CPVL: variants seen among roughly 807,000 people sequenced by gnomAD.
CPVL encodes the protein probable serine carboxypeptidase CPVL.
CPVL carries 51 observed loss-of-function variants against 63.7 expected under a neutral mutation model. The observed-to-expected ratio is 0.80, with a 90% CI of 0.64 to 1.01. The LOEUF (loss-of-function observed/expected upper bound fraction) is 1.01, where lower values mean the gene tolerates loss of function less well. Ranked by LOEUF, CPVL falls within the 50% of genes least tolerant of loss-of-function variation. CPVL has a pLI of 0.00. For missense variants in CPVL, 530 were observed against 573.1 expected (o/e 0.92, Z 0.77); for synonymous variants, 195 against 206.0 (o/e 0.95, Z 0.46).
intron 3 of CPVL, among the ~76,000 whole-genome samples, chr7:29,105,666 T>G (rs574348604): frequency 1.6e-4 from 25 of 152,236 alleles, no homozygotes; most frequent in African/African-American, 5.5e-4. Flanking sequence ...TAATTTATTT[T>G]TTTACTTGGA....
At chr7:29,006,039 G>GC (rs1785159681) in intron 12 of CPVL, among the ~76,000 whole-genome samples, 1 of 152,220 alleles carries the variant, frequency 6.6e-6, no homozygotes. Flanking sequence ...GGAAACAAGA[G>GC]CCGGCTAACC....
At position 29,064,240 on chromosome 7, in the gene CPVL, A is replaced by G; in HGVS notation, c.964-6T>C. On this transcript the variant is annotated splice_polypyrimidine_tract_variant and splice_region_variant and intron_variant, in intron 10 of 12. Transcript: ENST00000265394. ...TAAAGCTGATCCTCAGGTTCCTGGC[A>G]GAAGGGGCATTGGAAAGACATAGGG... 6.2e-7 allele frequency: 1 copy of G among 1,603,568 alleles called. No individual in the cohort carries two copies. The highest frequency in any genetic ancestry group is 8.5e-7 in the Non-Finnish European group (1 of 1,171,330).
At chr7:29,104,413 A>G (rs1320275585) in intron 3 of CPVL, among the ~76,000 whole-genome samples, 3 of 152,146 alleles carry the variant, frequency 2.0e-5, no homozygotes, top group Non-Finnish European at 4.4e-5. Context: ...GGTACCTGCC[A>G]CAGCCCCTGG....
chr7:29,099,945 T>C (rs1786921215), intron 3 of CPVL, among the ~76,000 whole-genome samples: 1 of 152,152 alleles, frequency 6.6e-6, no homozygotes, highest in African/African-American at 2.4e-5. Flanking sequence ...GTACATGAAA[T>C]GATGCTGTAA....
chr7:29,061,400 GA>G (rs1468439830), intron 11 of CPVL, among the ~76,000 whole-genome samples: 1 of 152,082 alleles, frequency 6.6e-6, no homozygotes, highest in Admixed American at 6.5e-5. Context: ...GCAACAGAGT[GA>G]AACTCTGTCT....
intron 5 of CPVL, among the ~76,000 whole-genome samples, chr7:29,093,377 C>CAA (rs371165878): frequency 0.1 from 6,964 of 69,738 alleles, 279 homozygotes; most frequent in Middle Eastern, 0.15. Context: ...ACTCCGTCTC[C>CAA]AAAAAAAAAA....
intron 5 of CPVL, among the ~76,000 whole-genome samples, chr7:29,164,221 A>T (rs1446265916): frequency 6.6e-6 from 1 of 152,126 alleles, no homozygotes; most frequent in African/African-American, 2.4e-5. Context: ...CGTGATTTAA[A>T]CTTGAATTTT....
intron 2 of CPVL, among the ~76,000 whole-genome samples, chr7:29,114,026 T>A (rs1788522873): frequency 6.6e-6 from 1 of 152,208 alleles, no homozygotes; most frequent in Non-Finnish European, 1.5e-5. Flanking sequence ...CGACTAAAGA[T>A]GCCTTTGACG....
At chr7:29,124,589 T>C (rs1789786288) in intron 1 of CPVL, among the ~76,000 whole-genome samples, 2 of 152,072 alleles carry the variant, frequency 1.3e-5, no homozygotes, top group African/African-American at 2.4e-5. Context: ...TTTAGAATAA[T>C]AAAAATTGTC....
intron 2 of CPVL, among the ~76,000 whole-genome samples, chr7:29,117,892 T>C (rs952246248): frequency 6.6e-6 from 1 of 152,214 alleles, no homozygotes; most frequent in African/African-American, 2.4e-5. Flanking sequence ...AATGACTAAA[T>C]GTTAGCTACT....
intron 11 of CPVL, among the ~76,000 whole-genome samples, chr7:29,032,090 T>C (rs985022457): frequency 1.3e-5 from 2 of 152,130 alleles, no homozygotes; most frequent in Non-Finnish European, 2.9e-5. Context: ...CTCAACTCCA[T>C]GCTACTTTTG....
chr7:29,186,022 G>C (rs1449633424), intron 2 of CPVL, among the ~76,000 whole-genome samples: 1 of 152,196 alleles, frequency 6.6e-6, no homozygotes, highest in Admixed American at 6.5e-5. Context: ...TATTGTTTGA[G>C]TAAGTTTAAG....
chr7:29,120,703 C>G (rs570646749), intron 2 of CPVL, among the ~76,000 whole-genome samples, 190 bp downstream of exon 2: 5 of 151,736 alleles, frequency 3.3e-5, no homozygotes, highest in African/African-American at 1.2e-4. Flanking sequence ...TGCCTATAAT[C>G]CCAGCTACTT....
At chr7:28,998,481 C>A (rs1441014772) in intron 12 of CPVL, among the ~76,000 whole-genome samples, 1 of 152,198 alleles carries the variant, frequency 6.6e-6, no homozygotes, top group African/African-American at 2.4e-5. Flanking sequence ...CTTAACCTCA[C>A]TGAGCCTCAG....
At chr7:29,127,764 T>C (rs1198998484) in intron 1 of CPVL, among the ~76,000 whole-genome samples, 1 of 152,182 alleles carries the variant, frequency 6.6e-6, no homozygotes, top group Non-Finnish European at 1.5e-5. Context: ...AGGGAAGGAA[T>C]GTCACACCGA....
intron 11 of CPVL, among the ~76,000 whole-genome samples, chr7:29,045,693 C>G (rs1374260368): frequency 6.6e-6 from 1 of 152,198 alleles, no homozygotes; most frequent in African/African-American, 2.4e-5. Context: ...TTAAATTTTT[C>G]TTGATATGCT....
chr7:29,142,688 G>C (rs1792030858), intron 1 of CPVL, among the ~76,000 whole-genome samples: 1 of 151,960 alleles, frequency 6.6e-6, no homozygotes, highest in Non-Finnish European at 1.5e-5. Flanking sequence ...ACCACGCCTG[G>C]TTAATTTTTG....
intron 7 of CPVL, among the ~76,000 whole-genome samples, chr7:29,074,683 C>T (rs956834583): frequency 2.0e-5 from 3 of 151,378 alleles, no homozygotes; most frequent in Non-Finnish European, 2.9e-5. Context: ...GGAGTTCTCA[C>T]GAGAGCTGAT....
At chr7:29,149,425 C>T (rs186982355), upstream of CPVL, among the ~76,000 whole-genome samples, 24 of 152,060 alleles carry the variant, frequency 1.6e-4, no homozygotes, top group East Asian at 1.5e-3. Flanking sequence ...AACTCCTGAC[C>T]GCAAGTTATC....
Sources: gnomAD v4.1 joint callset for allele counts (sites outside exome capture counted in the v4.1 genomes callset) on GRCh38, gnomAD v4.1.1 for gene constraint, MANE v1.5 for transcripts, NCBI Gene and HGNC (gene_info 2026-07-23, HGNC 2026-07-21) for gene names.